LRP1B: variants seen among roughly 807,000 people sequenced by gnomAD.
LRP1B encodes the protein low-density lipoprotein receptor-related protein 1B.
In LRP1B, 217 loss-of-function variants were observed where a neutral mutation model predicts 556.6. The observed-to-expected ratio is 0.39, with a 90% CI of 0.35 to 0.44. The LOEUF is 0.44. Ranked by LOEUF, LRP1B falls within the 20% of genes least tolerant of loss-of-function variation. LRP1B has a pLI of 1.00. For missense variants in LRP1B, 5,053 were observed against 5,620.8 expected, an observed-to-expected ratio of 0.90 and a Z score of 3.23; for synonymous variants, 2,047 against 1,865.8, an observed-to-expected ratio of 1.10 and a Z score of -2.50.
rs1574613787 is a variant in LRP1B, at chr2:142,031,338, T to TCTAAAAAAAAAATGACATATTG, written c.82+99309_82+99310insCAATATGTCATTTTTTTTTTAG. Among the ~76,000 whole-genome samples, 4 of 125,794 alleles carry TCTAAAAAAAAAATGACATATTG rather than the reference T, an allele frequency of 3.2e-5. No homozygotes were observed. The East Asian group carries it at 9.7e-4, about 30-fold the overall frequency. The allele number at this position is 125,794 out of a possible 152,430, so 82.5% of individuals were successfully genotyped here. The stretch of plus-strand genomic sequence containing the variant: ...AAAGGTTGATTATACTTATTTTTTT[T>TCTAAAAAAAAAATGACATATTG]TTTTTTTTTTATTATACTCTAAGTT... On this transcript the variant is annotated intron_variant, in intron 1 of 90. Transcript: ENST00000389484.
At chr2:140,241,673 G>A (rs905900069) in intron 87 of LRP1B, among the ~76,000 whole-genome samples, 1 of 150,702 alleles carries the variant, frequency 6.6e-6, no homozygotes, top group Non-Finnish European at 1.5e-5. Context: ...AAAACCTAGT[G>A]TCACTGATAA....
intron 1 of LRP1B, among the ~76,000 whole-genome samples, chr2:141,890,323 C>CATATATATATATATATATATATATATAT (rs556472129): frequency 3.6e-5 from 3 of 83,810 alleles, no homozygotes; most frequent in African/African-American, 1.3e-4. Context: ...GGGCACAATA[C>CATATATATATATATATATATATATATAT]ATATATATAT....
intron 35 of LRP1B, among the ~76,000 whole-genome samples, chr2:140,748,263 T>A (rs1317144712): frequency 1.5e-5 from 2 of 133,866 alleles, no homozygotes; most frequent in Admixed American, 8.2e-5. Context: ...ATGTATATAT[T>A]TTCATATTTA....
intron 1 of LRP1B, among the ~76,000 whole-genome samples, chr2:142,027,673 A>AACACACACAC (rs3041444): frequency 3.5e-4 from 52 of 146,830 alleles, no homozygotes; most frequent in African/African-American, 1.2e-3. Flanking sequence ...AAAAGATTAA[A>AACACACACAC]ACACACACAC....
chr2:141,423,273 CT>C (rs1255735740), intron 3 of LRP1B, among the ~76,000 whole-genome samples: 2 of 143,056 alleles, frequency 1.4e-5, no homozygotes, highest in African/African-American at 5.2e-5. Flanking sequence ...TGCCCTCTCA[CT>C]AGGCAACAGC....
chr2:141,813,093 T>C (rs920078315), intron 1 of LRP1B, among the ~76,000 whole-genome samples: 2 of 152,160 alleles, frequency 1.3e-5, no homozygotes, highest in African/African-American at 2.4e-5. Flanking sequence ...AATGTGTTCA[T>C]TTATCTATGC....
At chr2:140,352,722 C>T (rs1682028370) in intron 76 of LRP1B, among the ~76,000 whole-genome samples, 1 of 151,968 alleles carries the variant, frequency 6.6e-6, no homozygotes, top group Non-Finnish European at 1.5e-5. Context: ...TTGTTTTGAA[C>T]ACAATGACAC....
At chr2:141,970,842 A>G (rs1465941105) in intron 1 of LRP1B, among the ~76,000 whole-genome samples, 11 of 151,710 alleles carry the variant, frequency 7.3e-5, no homozygotes, top group African/African-American at 2.4e-4. Context: ...AAGAGTGATC[A>G]GCCCCTTATG....
chr2:141,797,299 C>T (rs1695858047), intron 2 of LRP1B, among the ~76,000 whole-genome samples: 1 of 150,656 alleles, frequency 6.6e-6, no homozygotes, highest in African/African-American at 2.4e-5. Flanking sequence ...TCACTGTATG[C>T]AGAACAATGG....
chr2:141,759,144 A>G (rs1694433127), intron 2 of LRP1B, among the ~76,000 whole-genome samples: 1 of 152,168 alleles, frequency 6.6e-6, no homozygotes, highest in South Asian at 2.1e-4. Context: ...GAAAGAATCT[A>G]TAGACTATAG....
intron 35 of LRP1B, among the ~76,000 whole-genome samples, chr2:140,757,010 T>C (rs1406856591): frequency 6.6e-6 from 1 of 152,172 alleles, no homozygotes; most frequent in African/African-American, 2.4e-5. Flanking sequence ...AAGCTTTAAA[T>C]AGACATTTCT....
chr2:141,473,596 A>G (rs1682562104), intron 3 of LRP1B, among the ~76,000 whole-genome samples: 1 of 152,152 alleles, frequency 6.6e-6, no homozygotes, highest in African/African-American at 2.4e-5. Context: ...AGCTCAACAC[A>G]GAGAAAATAC....
At chr2:140,431,003 T>C (rs1487590194) in intron 66 of LRP1B, among the ~76,000 whole-genome samples, 1 of 152,158 alleles carries the variant, frequency 6.6e-6, no homozygotes, top group African/African-American at 2.4e-5. Context: ...TAGAGGCCTT[T>C]CCTACAGGGT....
At chr2:140,968,258 G>A (rs1421313881) in intron 18 of LRP1B, among the ~76,000 whole-genome samples, 1 of 151,636 alleles carries the variant, frequency 6.6e-6, no homozygotes, top group Non-Finnish European at 1.5e-5. Flanking sequence ...TTTAGTCTTG[G>A]GAGGGTGTAT....
chr2:140,547,585 AT>A (rs536843100), intron 43 of LRP1B, among the ~76,000 whole-genome samples: 3 of 150,520 alleles, frequency 2.0e-5, no homozygotes, highest in East Asian at 2.0e-4. Context: ...TAGTTTATTA[AT>A]TTTTTTTTCA....
intron 72 of LRP1B, among the ~76,000 whole-genome samples, chr2:140,359,736 A>C (rs1233823920): frequency 1.3e-5 from 2 of 151,582 alleles, no homozygotes; most frequent in Admixed American, 6.6e-5. Context: ...TCAATTCTCT[A>C]TCTAGTTCAA....
intron 3 of LRP1B, among the ~76,000 whole-genome samples, chr2:141,295,069 T>C (rs1686130957): frequency 6.6e-6 from 1 of 152,136 alleles, no homozygotes; most frequent in East Asian, 1.9e-4. Flanking sequence ...TGAATCTTTG[T>C]ATGATATTTC....
At chr2:141,386,288 A>G (rs1178194684) in intron 3 of LRP1B, among the ~76,000 whole-genome samples, 1 of 152,174 alleles carries the variant, frequency 6.6e-6, no homozygotes, top group Admixed American at 6.5e-5. Context: ...GGTTTCAAAC[A>G]TTTTGGATAA....
chr2:141,662,535 T>A (rs147653489), intron 2 of LRP1B, among the ~76,000 whole-genome samples: 1 of 151,778 alleles, frequency 6.6e-6, no homozygotes, highest in African/African-American at 2.4e-5. Context: ...GCAATCCTAG[T>A]TTCTGACAAA....
Sources: allele counts gnomAD v4.1 joint callset (sites outside exome capture counted in the v4.1 genomes callset), GRCh38; gene constraint gnomAD v4.1.1; transcripts MANE v1.5; gene names NCBI Gene and HGNC (gene_info 2026-07-23, HGNC 2026-07-21).